The following PDGFC variants were observed in gnomAD, a reference collection of about 807,000 sequenced individuals.
PDGFC encodes platelet derived growth factor C.
Under a neutral mutation model 35.5 loss-of-function variants are expected in PDGFC, and 12 were observed. The observed-to-expected ratio is 0.34, with a 90% CI of 0.22 to 0.55. The LOEUF (loss-of-function observed/expected upper bound fraction) is 0.55. PDGFC is among the 20% of genes least tolerant of loss of function. PDGFC has a pLI of 0.91. For synonymous variants in PDGFC, 159 were observed against 148.8 expected (o/e 1.07, Z -0.50); for missense variants, 322 against 412.4 (o/e 0.78, Z 1.90).
rs554727813 is a variant in PDGFC at position 156,844,900 on chromosome 4, G to A, written c.314+5321C>T. Among the ~76,000 whole-genome samples the A allele has an allele frequency of 3.4e-4, 51 of 151,886 alleles. No homozygotes were observed. In the South Asian group the frequency reaches 9.3e-3, roughly 28 times the overall value. On this transcript the variant is annotated intron_variant, in intron 2 of 5. Coordinates refer to ENST00000502773, the MANE Select transcript of PDGFC (RefSeq NM_016205.3). ...TTGATGTATCACAAAGAAAATATCA[G>A]AAAAGATACAGATGCTGTGCACAAC...
At chr4:156,900,070 T>G (rs1041194193) in intron 1 of PDGFC, among the ~76,000 whole-genome samples, 6 of 152,172 alleles carry the variant, frequency 3.9e-5, no homozygotes, top group African/African-American at 1.4e-4. Flanking sequence ...ACAGAAAACT[T>G]GAATCAAAGA....
Position 156,790,549 on chromosome 4 carries a change from T to C in PDGFC, c.496-17656A>G, listed in dbSNP as rs12645258. Among the ~76,000 whole-genome samples, 109 of 152,300 alleles carry C rather than the reference T, an allele frequency of 7.2e-4. 2 individuals carry two copies. The East Asian group carries it at 0.019, about 26-fold the overall frequency. On this transcript the variant is annotated intron_variant, in intron 3 of 5. Coordinates refer to ENST00000502773, the MANE Select transcript of PDGFC (RefSeq NM_016205.3). ...CTCCAAATGTTGAAACTTTATGAAT[T>C]TGGATAGAATAAACATGTTTAAATA...
At position 156,760,955 on chromosome 4, in the gene PDGFC, A is replaced by G. The variant is rs1220906777; in HGVS notation, c.*2135T>C. On this transcript the variant is annotated 3_prime_UTR_variant, in exon 6 of 6. Transcript: ENST00000502773. ...TTCCATATATCTAGTTGGCCTCTAT[A>G]TGGATAGGACAAAACCAGGAAAAGG... 6.6e-6 allele frequency: 1 copy of G among 152,160 alleles called. No individual in the cohort carries two copies. The highest frequency in any genetic ancestry group is 1.5e-5 in the Non-Finnish European group (1 of 68,032). 9.4% of individuals were successfully genotyped at this position (152,160 alleles called of 1,614,324 possible). A position where few individuals can be genotyped will look rare whatever the true frequency, so the allele number is the denominator to read the frequency against.
intron 1 of PDGFC, among the ~76,000 whole-genome samples, chr4:156,957,999 T>A (rs550798052): frequency 1.3e-5 from 2 of 151,980 alleles, no homozygotes; most frequent in Admixed American, 1.3e-4. Flanking sequence ...TCAAAAAATA[T>A]ATATCTCCCC....
intron 1 of PDGFC, among the ~76,000 whole-genome samples, chr4:156,948,644 A>T (rs936316215): frequency 6.6e-6 from 1 of 151,992 alleles, no homozygotes; most frequent in Non-Finnish European, 1.5e-5. Flanking sequence ...TTACTATAGG[A>T]AATTTGGAAA....
intron 1 of PDGFC, among the ~76,000 whole-genome samples, chr4:156,858,585 C>T (rs950203908): frequency 2.0e-5 from 3 of 151,972 alleles, no homozygotes; most frequent in African/African-American, 7.2e-5. Context: ...AGGAGTAATT[C>T]ATATTACAAA....
intron 1 of PDGFC, among the ~76,000 whole-genome samples, chr4:156,884,851 C>T (rs1730336421): frequency 6.6e-6 from 1 of 152,156 alleles, no homozygotes; most frequent in South Asian, 2.1e-4. Context: ...TGTGACTCTA[C>T]TGCACGATGG....
At chr4:156,837,108 C>T (rs187319329) in intron 2 of PDGFC, among the ~76,000 whole-genome samples, 1 of 152,152 alleles carries the variant, frequency 6.6e-6, no homozygotes. Flanking sequence ...TATTTCAATA[C>T]TGGAGGTATA....
chr4:156,837,074 G>A (rs538733351), intron 2 of PDGFC, among the ~76,000 whole-genome samples: 1 of 152,208 alleles, frequency 6.6e-6, no homozygotes, highest in South Asian at 2.1e-4. Flanking sequence ...TTATTTGAAA[G>A]CTCATATAGG....
intron 1 of PDGFC, among the ~76,000 whole-genome samples, chr4:156,900,631 A>T (rs1730744890): frequency 6.6e-6 from 1 of 152,158 alleles, no homozygotes; most frequent in Non-Finnish European, 1.5e-5. Context: ...GCTTGAGCCC[A>T]GGAGTTCAAA....
chr4:156,923,071 A>C (rs1029473897), intron 1 of PDGFC, among the ~76,000 whole-genome samples: 11 of 152,232 alleles, frequency 7.2e-5, no homozygotes, highest in African/African-American at 2.6e-4. Flanking sequence ...CTTTATTTCC[A>C]TGCAAAATCT....
chr4:156,835,745 C>T (rs1007256333), intron 2 of PDGFC, among the ~76,000 whole-genome samples: 3 of 152,198 alleles, frequency 2.0e-5, no homozygotes, highest in Non-Finnish European at 4.4e-5. Context: ...CTGGAAACAT[C>T]ACACGCCAGT....
At chr4:156,827,589 G>T (rs956155953) in intron 2 of PDGFC, among the ~76,000 whole-genome samples, 3 of 151,880 alleles carry the variant, frequency 2.0e-5, no homozygotes, top group Admixed American at 1.3e-4. Flanking sequence ...TAAATCCAAT[G>T]GTCCTGTGGA....
chr4:156,799,361 C>CT (rs1434206911), intron 3 of PDGFC, among the ~76,000 whole-genome samples: 4 of 152,022 alleles, frequency 2.6e-5, no homozygotes, highest in Non-Finnish European at 5.9e-5. Flanking sequence ...TTTCTGAGGC[C>CT]TTTGGTGGCC....
chr4:156,782,447 T>G (rs1347778682), intron 3 of PDGFC, among the ~76,000 whole-genome samples: 1 of 152,176 alleles, frequency 6.6e-6, no homozygotes, highest in Non-Finnish European at 1.5e-5. Context: ...CTAGTTAGCA[T>G]GCCGTTCCTA....
At chr4:156,958,027 C>CT (rs1732252115) in intron 1 of PDGFC, among the ~76,000 whole-genome samples, 1 of 151,972 alleles carries the variant, frequency 6.6e-6, no homozygotes, top group African/African-American at 2.4e-5. Context: ...TTTTCTCAGC[C>CT]TTTTCTAATG....
intron 1 of PDGFC, among the ~76,000 whole-genome samples, chr4:156,904,548 A>G (rs1730869563): frequency 6.6e-6 from 1 of 152,106 alleles, no homozygotes; most frequent in East Asian, 1.9e-4. Flanking sequence ...CAAGATCCAA[A>G]TAAGAATGAA....
At chr4:156,881,865 A>G (rs945514236) in intron 1 of PDGFC, among the ~76,000 whole-genome samples, 3 of 151,428 alleles carry the variant, frequency 2.0e-5, no homozygotes, top group Admixed American at 6.6e-5. Flanking sequence ...TCCTTACATA[A>G]GCTCTCTGTC....
chr4:156,900,269 A>G (rs1730735488), intron 1 of PDGFC, among the ~76,000 whole-genome samples: 1 of 152,142 alleles, frequency 6.6e-6, no homozygotes, highest in Non-Finnish European at 1.5e-5. Flanking sequence ...CAGGCTCAAA[A>G]TCCTTAGTTG....
Sources: gnomAD v4.1 joint callset for allele counts (sites outside exome capture counted in the v4.1 genomes callset) on GRCh38, gnomAD v4.1.1 for gene constraint, MANE v1.5 for transcripts, NCBI Gene and HGNC (gene_info 2026-07-23, HGNC 2026-07-21) for gene names.